The following SPOCK3 variants were observed in gnomAD, a reference collection of about 807,000 sequenced individuals.
SPOCK3 encodes SPARC (osteonectin), cwcv and kazal like domains proteoglycan 3.
A neutral mutation model predicts 56.6 loss-of-function variants in SPOCK3; 30 were observed. That is an observed-to-expected ratio of 0.53 (90% CI 0.40 to 0.72). SPOCK3 has a LOEUF of 0.72. Among genes scored for constraint, SPOCK3 ranks in the 30% least tolerant of loss-of-function variants. The probability of loss-of-function intolerance (pLI) is 0.00; values close to 1 mark genes in which losing one functional copy is unlikely to be tolerated. For synonymous variants in SPOCK3, 196 were observed against 183.3 expected, an observed-to-expected ratio of 1.07 and a Z score of -0.56; for missense variants, 527 against 530.0, an observed-to-expected ratio of 0.99 and a Z score of 0.06.
At chr4:166,993,075 T>C (rs1274606079) in intron 4 of SPOCK3, among the ~76,000 whole-genome samples, 1 of 152,142 alleles carries the variant, frequency 6.6e-6, no homozygotes, top group African/African-American at 2.4e-5. Context: ...GATTCAGAAG[T>C]ATACACGGAG....
At chr4:167,068,682 T>C (rs913036281) in intron 2 of SPOCK3, among the ~76,000 whole-genome samples, 1 of 151,894 alleles carries the variant, frequency 6.6e-6, no homozygotes, top group African/African-American at 2.4e-5. Context: ...TCTTCCAGTG[T>C]CATATCAGAC....
At chr4:167,029,074 TG>T (rs1169972336) in intron 3 of SPOCK3, among the ~76,000 whole-genome samples, 1 of 151,968 alleles carries the variant, frequency 6.6e-6, no homozygotes, top group Non-Finnish European at 1.5e-5. Context: ...ATGCTTTCCC[TG>T]CCCCCACAGA....
intron 2 of SPOCK3, among the ~76,000 whole-genome samples, chr4:167,125,456 G>A (rs1356240931): frequency 6.7e-6 from 1 of 149,852 alleles, no homozygotes; most frequent in Non-Finnish European, 1.5e-5. Context: ...GCTCACGCCT[G>A]TAATCCCAGC....
At chr4:166,935,117 AC>A (rs1440697956) in intron 4 of SPOCK3, among the ~76,000 whole-genome samples, 5 of 152,166 alleles carry the variant, frequency 3.3e-5, no homozygotes, top group Non-Finnish European at 5.9e-5. Context: ...GCTCAGACTT[AC>A]GGGGCTGTGG....
At chr4:166,782,509 A>G (rs1316406174) in intron 7 of SPOCK3, among the ~76,000 whole-genome samples, 1 of 152,196 alleles carries the variant, frequency 6.6e-6, no homozygotes, top group African/African-American at 2.4e-5. Context: ...AAATAATAAC[A>G]GAATACATGT....
At chr4:167,128,716 CTCAT>C (rs1163567276) in intron 2 of SPOCK3, among the ~76,000 whole-genome samples, 3 of 152,318 alleles carry the variant, frequency 2.0e-5, no homozygotes, top group South Asian at 2.1e-4. Context: ...CAAAAAAGTT[CTCAT>C]TCAAAGGGTT....
chr4:167,074,963 C>T (rs1259247053), intron 2 of SPOCK3, among the ~76,000 whole-genome samples: 1 of 151,800 alleles, frequency 6.6e-6, no homozygotes, highest in Non-Finnish European at 1.5e-5. Flanking sequence ...ATTGAAATAT[C>T]CATCACCTCA....
At chr4:167,058,732 T>A (rs1580158817) in intron 3 of SPOCK3, among the ~76,000 whole-genome samples, 3 of 152,142 alleles carry the variant, frequency 2.0e-5, no homozygotes, top group South Asian at 4.1e-4. Flanking sequence ...GAGGCATCAC[T>A]CTACCTGACT....
intron 4 of SPOCK3, among the ~76,000 whole-genome samples, chr4:166,968,215 T>C (rs1164283453): frequency 1.3e-5 from 2 of 152,150 alleles, no homozygotes; most frequent in Non-Finnish European, 2.9e-5. Flanking sequence ...AGCATAAAAG[T>C]TTGGAAAATT....
At chr4:167,033,530 G>C (rs1752470358) in intron 3 of SPOCK3, among the ~76,000 whole-genome samples, 1 of 151,686 alleles carries the variant, frequency 6.6e-6, no homozygotes, top group Non-Finnish European at 1.5e-5. Context: ...GGAAAGTGAA[G>C]GTTAAATTGA....
intron 4 of SPOCK3, among the ~76,000 whole-genome samples, chr4:166,937,189 T>C (rs1043959570): frequency 4.6e-5 from 7 of 151,986 alleles, no homozygotes; most frequent in African/African-American, 1.7e-4. Context: ...CACAAGTGTT[T>C]AATGCAGCAG....
At chr4:167,112,096 C>G (rs1760952773) in intron 2 of SPOCK3, among the ~76,000 whole-genome samples, 1 of 152,086 alleles carries the variant, frequency 6.6e-6, no homozygotes, top group South Asian at 2.1e-4. Flanking sequence ...TTTGGTGAAA[C>G]ATTCAACAGG....
intron 4 of SPOCK3, among the ~76,000 whole-genome samples, chr4:166,993,286 C>A (rs1863782): frequency 0.63 from 96,152 of 151,814 alleles, 32,851 homozygotes; most frequent in East Asian, 0.84. Context: ...TATGCTCACT[C>A]AAAAAAAATT....
intron 4 of SPOCK3, among the ~76,000 whole-genome samples, chr4:166,932,621 G>T (rs1315058304): frequency 6.6e-6 from 1 of 152,084 alleles, no homozygotes; most frequent in East Asian, 1.9e-4. Flanking sequence ...TGCCAATTTG[G>T]TGAATGTCAA....
chr4:166,818,509 C>T (rs138067685), intron 6 of SPOCK3, among the ~76,000 whole-genome samples: 27 of 151,924 alleles, frequency 1.8e-4, no homozygotes, highest in Non-Finnish European at 2.8e-4. Flanking sequence ...AACTTACTTT[C>T]GATTTATGTA....
At chr4:166,972,463 G>A (rs1745494939) in intron 4 of SPOCK3, among the ~76,000 whole-genome samples, 1 of 151,974 alleles carries the variant, frequency 6.6e-6, no homozygotes, top group Admixed American at 6.6e-5. Flanking sequence ...AAGAAAAACT[G>A]ACAAATCAAA....
chr4:167,127,535 C>T (rs965472431), intron 2 of SPOCK3, among the ~76,000 whole-genome samples: 1 of 151,832 alleles, frequency 6.6e-6, no homozygotes, highest in Admixed American at 6.6e-5. Flanking sequence ...TCAAGCAATT[C>T]TCCTGCCTCA....
intron 2 of SPOCK3, among the ~76,000 whole-genome samples, chr4:167,208,921 CTT>C (rs1734604553): frequency 6.6e-6 from 1 of 152,114 alleles, no homozygotes; most frequent in African/African-American, 2.4e-5. Flanking sequence ...TGCAATCACT[CTT>C]TTCAAAAATT....
intron 2 of SPOCK3, among the ~76,000 whole-genome samples, chr4:167,135,134 A>G (rs1303173838): frequency 6.6e-6 from 1 of 150,666 alleles, no homozygotes; most frequent in East Asian, 1.9e-4. Context: ...TTACATATTT[A>G]TATATAATTA....
Sources: gnomAD v4.1 joint callset for allele counts (sites outside exome capture counted in the v4.1 genomes callset) on GRCh38, gnomAD v4.1.1 for gene constraint, MANE v1.5 for transcripts, NCBI Gene and HGNC (gene_info 2026-07-23, HGNC 2026-07-21) for gene names.